The following RGS7 variants were observed in gnomAD, a reference collection of about 807,000 sequenced individuals.
RGS7 encodes the protein regulator of G-protein signaling 7.
RGS7 carries 27 observed loss-of-function variants against 81.1 expected under a neutral mutation model. The observed-to-expected ratio is 0.33, with a 90% CI of 0.25 to 0.46. The LOEUF is 0.46. RGS7 is among the 20% of genes least tolerant of loss of function. The pLI is 1.00. For missense variants in RGS7, 396 were observed against 607.4 expected (o/e 0.65, Z 3.66); for synonymous variants, 208 against 207.7 (o/e 1.00, Z -0.01).
chr1:240,775,730 T>G lies in RGS7; in HGVS notation c.*490A>C. ...GTGACACATTGGTGAAATGAAACTTTCTGTGCGGAATTTATTGTTTAATAA... is the reference window on the plus strand; with the variant it reads ...GTGACACATTGGTGAAATGAAACTTGCTGTGCGGAATTTATTGTTTAATAA... On this transcript the variant is annotated 3_prime_UTR_variant, in exon 19 of 19. Coordinates refer to ENST00000440928, the MANE Select transcript of RGS7 (RefSeq NM_001364886.1). 5.8e-6 allele frequency: 1 copy of G among 171,202 alleles called. No homozygotes were observed. The highest frequency in any genetic ancestry group is 1.4e-4 in the East Asian group (1 of 6,962). 10.6% of individuals were successfully genotyped at this position (171,202 alleles called of 1,614,324 possible). A position where few individuals can be genotyped will look rare whatever the true frequency, so the allele number is the denominator to read the frequency against.
chr1:241,243,278 C>A (rs577305886), intron 2 of RGS7, among the ~76,000 whole-genome samples: 1 of 152,328 alleles, frequency 6.6e-6, no homozygotes, highest in African/African-American at 2.4e-5. Flanking sequence ...AGAATTCTTT[C>A]TTCATCATAT....
chr1:240,876,404 A>C (rs1665423362), intron 6 of RGS7, among the ~76,000 whole-genome samples: 2 of 152,186 alleles, frequency 1.3e-5, no homozygotes, highest in Admixed American at 6.5e-5. Flanking sequence ...TGATGTGAGC[A>C]GAAAGCAATT....
chr1:241,040,726 G>A (rs1303769127), intron 3 of RGS7, among the ~76,000 whole-genome samples: 3 of 152,064 alleles, frequency 2.0e-5, no homozygotes, highest in African/African-American at 7.2e-5. Context: ...CCAACCTCAG[G>A]TGATCCGCCC....
intron 2 of RGS7, among the ~76,000 whole-genome samples, chr1:241,214,114 G>A (rs1187564895): frequency 6.6e-6 from 1 of 152,072 alleles, no homozygotes; most frequent in Non-Finnish European, 1.5e-5. Flanking sequence ...TCTTTTACTT[G>A]CCTCTCCAGT....
intron 6 of RGS7, chr1:240,920,388 T>C (rs1673314145): frequency 2.6e-6 from 4 of 1,519,092 alleles, no homozygotes; most frequent in Non-Finnish European, 3.6e-6. Context: ...CTATAATGGA[T>C]TTGGTAATGA....
chr1:240,979,760 G>A (rs929530118), intron 4 of RGS7, among the ~76,000 whole-genome samples: 2 of 152,176 alleles, frequency 1.3e-5, no homozygotes, highest in African/African-American at 4.8e-5. Context: ...AGCTGAGAGT[G>A]AAAAGCCACC....
At chr1:241,228,693 G>A (rs995785913) in intron 2 of RGS7, among the ~76,000 whole-genome samples, 5 of 152,114 alleles carry the variant, frequency 3.3e-5, no homozygotes, top group African/African-American at 1.2e-4. Context: ...TTCCTGAAGA[G>A]TGCTGGAGTC....
intron 18 of RGS7, among the ~76,000 whole-genome samples, chr1:240,799,803 G>C (rs556883194): frequency 1.3e-5 from 2 of 152,282 alleles, no homozygotes; most frequent in South Asian, 2.1e-4. Context: ...GTTTAGAATA[G>C]AGGTGGCAAT....
chr1:241,043,059 T>C (rs756621972), intron 3 of RGS7, among the ~76,000 whole-genome samples: 41 of 152,080 alleles, frequency 2.7e-4, no homozygotes, highest in Non-Finnish European at 1.8e-4. Flanking sequence ...ATATTTCCAA[T>C]AGATATTGTG....
intron 18 of RGS7, among the ~76,000 whole-genome samples, chr1:240,797,923 C>T (rs887882070): frequency 2.0e-5 from 3 of 152,154 alleles, no homozygotes; most frequent in Non-Finnish European, 4.4e-5. Context: ...GCGGGCATTA[C>T]ACAAATGTGA....
In RGS7 at chr1:240,823,550, C is replaced by T. The variant is rs984671131; in HGVS notation, c.684+3548G>A. On this transcript the variant is annotated intron_variant, in intron 10 of 18. Transcript: ENST00000440928. ...GCAAGGGGTGGGGTGGGGACATGGC[C>T]GTGAGCTCTGCCTGCCGCGGGGGCG... 5 of 162,810 alleles carry T rather than the reference C, an allele frequency of 3.1e-5. No homozygotes were observed. The South Asian group carries it at 7.8e-4, about 25-fold the overall frequency. 10.1% of individuals were successfully genotyped at this position (162,810 alleles called of 1,614,324 possible).
At chr1:241,278,856 A>T (rs180915414) in intron 2 of RGS7, among the ~76,000 whole-genome samples, 15 of 152,298 alleles carry the variant, frequency 9.8e-5, no homozygotes, top group South Asian at 8.3e-4. Flanking sequence ...GACATTTAGG[A>T]TGGCACACAC....
At chr1:241,112,498 A>G (rs1448151530) in intron 2 of RGS7, among the ~76,000 whole-genome samples, 1 of 152,214 alleles carries the variant, frequency 6.6e-6, no homozygotes, top group Non-Finnish European at 1.5e-5. Context: ...TTAAAAGGAC[A>G]AAAGCATCCT....
chr1:241,116,563 T>C (rs1467759152), intron 2 of RGS7, among the ~76,000 whole-genome samples: 1 of 152,048 alleles, frequency 6.6e-6, no homozygotes, highest in Non-Finnish European at 1.5e-5. Flanking sequence ...CCTATAAGAC[T>C]CCAAACTTAT....
intron 2 of RGS7, among the ~76,000 whole-genome samples, chr1:241,287,485 C>T (rs1339042140): frequency 6.6e-6 from 1 of 152,176 alleles, no homozygotes; most frequent in East Asian, 1.9e-4. Context: ...TGTCTTCTGC[C>T]ATGATTATGA....
chr1:240,869,974 A>T, intron 7 of RGS7, 81 bp downstream of exon 7: 2 of 1,123,490 alleles, frequency 1.8e-6, no homozygotes, highest in Non-Finnish European at 2.7e-6. Context: ...ATGAAGAGTT[A>T]ACATCCTGCC....
intron 6 of RGS7, among the ~76,000 whole-genome samples, chr1:240,927,397 A>G (rs142807168): frequency 2.0e-3 from 311 of 152,294 alleles, no homozygotes; most frequent in African/African-American, 6.7e-3. Flanking sequence ...CTTATGCAAT[A>G]AAGTCCCTGT....
At chr1:241,173,233 T>G (rs2070862082) in intron 2 of RGS7, among the ~76,000 whole-genome samples, 1 of 152,216 alleles carries the variant, frequency 6.6e-6, no homozygotes, top group Non-Finnish European at 1.5e-5. Flanking sequence ...TCCTCTGACC[T>G]CTACTCTAGC....
chr1:241,133,391 G>C (rs2067264647), intron 2 of RGS7, among the ~76,000 whole-genome samples: 1 of 151,540 alleles, frequency 6.6e-6, no homozygotes, highest in South Asian at 2.1e-4. Context: ...AAAAGAAAAG[G>C]TCTGAAAGCA....
Sources: allele counts gnomAD v4.1 joint callset (sites outside exome capture counted in the v4.1 genomes callset), GRCh38; gene constraint gnomAD v4.1.1; transcripts MANE v1.5; gene names NCBI Gene and HGNC (gene_info 2026-07-23, HGNC 2026-07-21).